Variants in CHKA observed in about 807,000 individuals in gnomAD.
CHKA encodes CHETK-alpha.
A neutral mutation model predicts 60.1 loss-of-function variants in CHKA; 34 were observed. The observed-to-expected ratio is 0.57, with a 90% CI of 0.43 to 0.75. The LOEUF (loss-of-function observed/expected upper bound fraction) is 0.75. Ranked by LOEUF, CHKA falls within the 30% of genes least tolerant of loss-of-function variation. CHKA has a pLI of 0.00. For synonymous variants in CHKA, 217 were observed against 223.1 expected (o/e 0.97, Z 0.24); for missense variants, 563 against 561.3 (o/e 1.00, Z -0.03).
At chr11:68,066,655 G>C in intron 7 of CHKA, 139 bp from the exon 8 acceptor site, 1 of 695,680 alleles carries the variant, frequency 1.4e-6, no homozygotes, top group East Asian at 2.6e-5. Context: ...CATCACCAGG[G>C]CCTAGACAGA....
intron 1 of CHKA, among the ~76,000 whole-genome samples, chr11:68,098,051 C>T (rs931566235): frequency 3.3e-5 from 5 of 152,092 alleles, no homozygotes; most frequent in African/African-American, 1.2e-4. Context: ...GCAGGTGGAT[C>T]ACCTGAGGTC....
rs1280883175 is a variant in CHKA at position 68,100,596 on chromosome 11, AATAAATAC to A, written c.351-3474_351-3467del. ...CAAGAACGAAACATCATCTCCAATA[AATAAATAC>A]ATAAATAAATAAATAAATAAATAAA... On this transcript the variant is annotated intron_variant, in intron 1 of 11. Transcript: ENST00000265689. 2.2e-3 allele frequency among the ~76,000 whole-genome samples: 185 copies of A among 84,740 alleles called. 1 individual carries two copies. Among genetic ancestry groups the A allele is most frequent in the African/African-American group, 4.0e-3 (90 of 22,336 alleles). 55.6% of individuals were successfully genotyped at this position (84,740 alleles called of 152,430 possible).
intron 2 of CHKA, among the ~76,000 whole-genome samples, chr11:68,085,895 T>C (rs1857162850): frequency 6.6e-6 from 1 of 151,990 alleles, no homozygotes; most frequent in Non-Finnish European, 1.5e-5. Context: ...TCCGGAATAG[T>C]TGGGATTACA....
chr11:68,059,579 T>C (rs1340876628), intron 11 of CHKA, among the ~76,000 whole-genome samples: 2 of 152,268 alleles, frequency 1.3e-5, no homozygotes, highest in Non-Finnish European at 2.9e-5. Flanking sequence ...CCACAAATAC[T>C]GACATGCTAT....
At chr11:68,067,489 G>A (rs1856482988) in intron 7 of CHKA, among the ~76,000 whole-genome samples, 1 of 152,086 alleles carries the variant, frequency 6.6e-6, no homozygotes, top group African/African-American at 2.4e-5. Flanking sequence ...CAACTACTCA[G>A]GAGGCTAAGG....
At chr11:68,104,429 A>T (rs1217108663) in intron 1 of CHKA, among the ~76,000 whole-genome samples, 2 of 151,784 alleles carry the variant, frequency 1.3e-5, no homozygotes, top group African/African-American at 4.8e-5. Context: ...TATTATTATT[A>T]TTATTTTTTG....
rs1472465138 is a variant in CHKA at position 68,065,778 on chromosome 11, T to C, written c.1125+8A>G. 6.4e-7 allele frequency: 1 copy of C among 1,567,490 alleles called. No homozygotes were observed. The highest frequency in any genetic ancestry group is 8.8e-7 in the Non-Finnish European group (1 of 1,139,958). On this transcript the variant is annotated splice_region_variant and intron_variant, in intron 9 of 11. Transcript: ENST00000265689. The stretch of plus-strand genomic sequence containing the variant: ...TTCCTATCAAGTATACAAAAACTCA[T>C]CTCCTACCTGTTGTTTCTTGGTGGG...
chr11:68,078,916 GTTA>G (rs1290071095), intron 3 of CHKA, among the ~76,000 whole-genome samples: 1 of 151,686 alleles, frequency 6.6e-6, no homozygotes, highest in Non-Finnish European at 1.5e-5. Flanking sequence ...TCATAGTTCA[GTTA>G]TTATTTTTTT....
chr11:68,091,150 C>T (rs1478036174), intron 2 of CHKA, among the ~76,000 whole-genome samples: 4 of 152,176 alleles, frequency 2.6e-5, no homozygotes, highest in South Asian at 2.1e-4. Flanking sequence ...TATACATTTA[C>T]GCTCTCTTCT....
chr11:68,082,254 C>A (rs900768955), intron 2 of CHKA, among the ~76,000 whole-genome samples: 2 of 151,516 alleles, frequency 1.3e-5, no homozygotes, highest in Non-Finnish European at 2.9e-5. Context: ...TTAAGAGCAA[C>A]CCCCCACCCC....
At chr11:68,085,637 T>C (rs1444161552) in intron 2 of CHKA, among the ~76,000 whole-genome samples, 1 of 152,176 alleles carries the variant, frequency 6.6e-6, no homozygotes, top group Non-Finnish European at 1.5e-5. Context: ...CATTTTTACT[T>C]TATTTCTATA....
intron 11 of CHKA, 143 bp downstream of exon 11, chr11:68,061,810 C>T: frequency 1.4e-6 from 1 of 693,372 alleles, no homozygotes; most frequent in Admixed American, 2.1e-5. Context: ...CCTGATGCCA[C>T]CAGGTCACCA....
At chr11:68,119,141 G>A (rs1233564301) in intron 1 of CHKA, among the ~76,000 whole-genome samples, 1 of 152,210 alleles carries the variant, frequency 6.6e-6, no homozygotes, top group African/African-American at 2.4e-5. Context: ...CTTGGAGAGA[G>A]CTGAATTTTT....
intron 1 of CHKA, among the ~76,000 whole-genome samples, chr11:68,101,377 C>A (rs1857716073): frequency 6.6e-6 from 1 of 152,096 alleles, no homozygotes; most frequent in Non-Finnish European, 1.5e-5. Flanking sequence ...GTTAAATTAT[C>A]CCTGTTTGCA....
intron 1 of CHKA, among the ~76,000 whole-genome samples, chr11:68,110,655 A>G (rs190491781): frequency 6.6e-6 from 1 of 152,290 alleles, no homozygotes; most frequent in East Asian, 1.9e-4. Flanking sequence ...TGCAATCCCA[A>G]TGAAAACCCC....
chr11:68,064,737 C>A, intron 9 of CHKA, 106 bp from the exon 10 acceptor site: 1 of 674,812 alleles, frequency 1.5e-6, no homozygotes, highest in Non-Finnish European at 2.5e-6. Context: ...GAGACACACA[C>A]TCAACATGAT....
Position 68,053,747 on chromosome 11 carries a change from G to T in CHKA, c.*241C>A. 1 of 439,410 alleles carries T rather than the reference G, an allele frequency of 2.3e-6. No individual in the cohort carries two copies. Among genetic ancestry groups the T allele is most frequent in the Non-Finnish European group, 4.1e-6 (1 of 245,456 alleles). The allele number at this position is 439,410 out of a possible 1,614,324, so 27.2% of individuals were successfully genotyped here. A position where few individuals can be genotyped will look rare whatever the true frequency, so the allele number is the denominator to read the frequency against. ...TAGATTAAAAGGATTCAGAGATGTT[G>T]CACTATTGCACTATATTTCTGCTTC... On this transcript the variant is annotated 3_prime_UTR_variant, in exon 12 of 12. Transcript: ENST00000265689.
Position 68,076,782 on chromosome 11 carries a change from T to C in CHKA, c.517-1952A>G, listed in dbSNP as rs61551515. ...GAGCTGAGTCAACCCAGAAAGGACA[T>C]AGAGAAGAGGGAAAGAGATGTAAGA... On this transcript the variant is annotated intron_variant, in intron 3 of 11. Transcript: ENST00000265689. Among the ~76,000 whole-genome samples the C allele has an allele frequency of 3.4e-3, 525 of 152,260 alleles. 4 individuals are homozygous for C. The highest frequency in any genetic ancestry group is 0.012 in the African/African-American group (509 of 41,550).
chr11:68,057,253 T>C (rs926966209), intron 11 of CHKA, among the ~76,000 whole-genome samples: 1 of 151,554 alleles, frequency 6.6e-6, no homozygotes, highest in African/African-American at 2.4e-5. Flanking sequence ...CAACTTACTC[T>C]ATTTTTTCCT....
Sources: gnomAD v4.1 joint callset for allele counts (sites outside exome capture counted in the v4.1 genomes callset) on GRCh38, gnomAD v4.1.1 for gene constraint, MANE v1.5 for transcripts, NCBI Gene and HGNC (gene_info 2026-07-23, HGNC 2026-07-21) for gene names.